The following JAML variants were observed in gnomAD, a reference collection of about 807,000 sequenced individuals.
JAML encodes junction adhesion molecule like.
Under a neutral mutation model 39.3 loss-of-function variants are expected in JAML, and 25 were observed. The ratio of observed to expected loss-of-function variants is 0.64; its 90% confidence interval spans 0.46 to 0.89. The LOEUF is 0.89. Ranked by LOEUF, JAML falls within the 40% of genes least tolerant of loss-of-function variation. The probability of loss-of-function intolerance (pLI) is 0.00; values close to 1 mark genes in which losing one functional copy is unlikely to be tolerated. For missense variants in JAML, 440 were observed against 486.9 expected (o/e 0.90, Z 0.91); for synonymous variants, 162 against 179.2 (o/e 0.90, Z 0.77).
At chr11:118,194,509 G>A (rs1451991157) in intron 9 of JAML, 92 bp from the exon 10 acceptor site, 1 of 1,000,850 alleles carries the variant, frequency 1.0e-6, no homozygotes, top group Non-Finnish European at 1.6e-6. Flanking sequence ...CTTCTCATGA[G>A]CCCGGCCCAG....
chr11:118,206,130 T>A, intron 4 of JAML, 139 bp from the exon 5 acceptor site: 1 of 687,208 alleles, frequency 1.5e-6, no homozygotes, highest in Non-Finnish European at 2.6e-6. Flanking sequence ...ACGTATTCCC[T>A]CTGTACGAAT....
intron 4 of JAML, among the ~76,000 whole-genome samples, chr11:118,206,744 T>C (rs1369874930): frequency 6.6e-6 from 1 of 152,156 alleles, no homozygotes; most frequent in African/African-American, 2.4e-5. Context: ...CTCTTCCTTC[T>C]GACTATTGTA....
intron 7 of JAML, 133 bp downstream of exon 7, chr11:118,200,341 G>C: frequency 8.9e-7 from 1 of 1,127,112 alleles, no homozygotes. Context: ...GGTTACCACA[G>C]ATGATTCCAT....
intron 7 of JAML, among the ~76,000 whole-genome samples, chr11:118,200,224 G>T (rs540206215): frequency 3.3e-5 from 5 of 152,252 alleles, no homozygotes; most frequent in African/African-American, 1.2e-4. Flanking sequence ...CCCTACTGAG[G>T]CCCCCATTTC....
At chr11:118,219,541 T>C (rs1949187190) in intron 1 of JAML, among the ~76,000 whole-genome samples, 1 of 152,208 alleles carries the variant, frequency 6.6e-6, no homozygotes, top group Non-Finnish European at 1.5e-5. Context: ...CACCACCCTA[T>C]AAAACTTCCC....
rs144707431 is a variant in JAML at position 118,215,186 on chromosome 11, T to C, written c.-20-300A>G. Among the ~76,000 whole-genome samples, 4 of 152,246 alleles carry C rather than the reference T, an allele frequency of 2.6e-5. No homozygotes were observed. In the East Asian group the frequency reaches 5.8e-4, roughly 22 times the overall value. ...CTTGGGGGCTGCTTTAGATTGGCCATAAGGGAAGATTAGATGAAAGTTGCT... is the reference window on the plus strand; with the variant it reads ...CTTGGGGGCTGCTTTAGATTGGCCACAAGGGAAGATTAGATGAAAGTTGCT... On this transcript the variant is annotated intron_variant, in intron 1 of 9. Coordinates refer to ENST00000356289, the MANE Select transcript of JAML (RefSeq NM_001098526.2).
rs537849480 is a variant in JAML at position 118,206,588 on chromosome 11, G to T, written c.425-597C>A. Among the ~76,000 whole-genome samples, 4 of 151,920 alleles carry T rather than the reference G, an allele frequency of 2.6e-5. No homozygotes were observed. In the East Asian group the frequency reaches 7.7e-4, roughly 29 times the overall value. ...TTCTTTTATTCTAGGACCTAGTTCT[G>T]GCCTTGGTACAAGTCACAGGACTCC... On this transcript the variant is annotated intron_variant, in intron 4 of 9. Transcript: ENST00000356289.
intron 5 of JAML, 146 bp from the exon 6 acceptor site, chr11:118,203,811 A>G: frequency 1.5e-6 from 1 of 677,558 alleles, no homozygotes; most frequent in Non-Finnish European, 2.6e-6. Flanking sequence ...TAAATAACAC[A>G]AAGTCATGTA....
chr11:118,213,108 C>T (rs1157473301), intron 2 of JAML: 2 of 1,471,630 alleles, frequency 1.4e-6, no homozygotes, highest in Middle Eastern at 1.8e-4. Context: ...CCTGCATTTC[C>T]ACTGTGTTTA....
chr11:118,220,988 A>C (rs1035074322), intron 1 of JAML, among the ~76,000 whole-genome samples: 1 of 152,152 alleles, frequency 6.6e-6, no homozygotes, highest in African/African-American at 2.4e-5. Context: ...GTGACTCTGG[A>C]GGTGGCAAGT....
chr11:118,194,992 G>T (rs1399756964), intron 9 of JAML, among the ~76,000 whole-genome samples: 2 of 152,176 alleles, frequency 1.3e-5, no homozygotes, highest in Non-Finnish European at 2.9e-5. Flanking sequence ...AGATCAAGAG[G>T]ACAGGAATGG....
At chr11:118,212,981 C>A (rs775135282) in intron 2 of JAML, 3 of 1,613,170 alleles carry the variant, frequency 1.9e-6, no homozygotes, top group Non-Finnish European at 2.5e-6. Flanking sequence ...GAAAAGGGAC[C>A]TTTTGTTTAC....
chr11:118,199,693 A>T (rs112504936), intron 7 of JAML, among the ~76,000 whole-genome samples: 4,852 of 107,036 alleles, frequency 0.045, 171 homozygotes, highest in Non-Finnish European at 0.058. Context: ...TATTATTATT[A>T]TTTTTTTTTT....
chr11:118,200,864 C>T, intron 6 of JAML: 1 of 370,792 alleles, frequency 2.7e-6, no homozygotes. Context: ...AGTAAAGTTT[C>T]CTTTCACATC....
rs1306742234 is a variant in JAML, at chr11:118,214,818, A to G, written c.43+6T>C. On this transcript the variant is annotated splice_donor_region_variant and intron_variant, in intron 2 of 9. Transcript: ENST00000356289. ...TACCCCACGGAGTCCCTTAGCTTCT[A>G]CTTACCCAGTAACACTGGCAGCAGG... 6.2e-7 allele frequency: 1 copy of G among 1,613,806 alleles called. No individual in the cohort carries two copies. Among genetic ancestry groups the G allele is most frequent in the Non-Finnish European group, 8.5e-7 (1 of 1,179,806 alleles).
At chr11:118,218,196 T>C (rs1213746821) in intron 1 of JAML, among the ~76,000 whole-genome samples, 1 of 152,126 alleles carries the variant, frequency 6.6e-6, no homozygotes, top group Admixed American at 6.5e-5. Flanking sequence ...CGGGTTCAAG[T>C]GATTCTCCTG....
At chr11:118,210,787 T>TGGG in intron 3 of JAML, 75 bp from the exon 4 acceptor site, 1 of 1,221,622 alleles carries the variant, frequency 8.2e-7, no homozygotes, top group Non-Finnish European at 1.2e-6. Context: ...AAGACTCTGT[T>TGGG]ATGTGGGGGC....
intron 1 of JAML, among the ~76,000 whole-genome samples, chr11:118,220,232 C>A (rs73594563): frequency 0.047 from 7,104 of 152,270 alleles, 572 homozygotes; most frequent in African/African-American, 0.16. Context: ...CCATTCACCT[C>A]CCCTCTCCTC....
intron 1 of JAML, among the ~76,000 whole-genome samples, chr11:118,220,271 C>A (rs1351657593): frequency 6.6e-6 from 1 of 152,224 alleles, no homozygotes; most frequent in Admixed American, 6.5e-5. Flanking sequence ...CGGTGCAAGG[C>A]CCCAGTGCAG....
Sources: allele counts gnomAD v4.1 joint callset (sites outside exome capture counted in the v4.1 genomes callset), GRCh38; gene constraint gnomAD v4.1.1; transcripts MANE v1.5; gene names NCBI Gene and HGNC (gene_info 2026-07-23, HGNC 2026-07-21).